Variants in GAR1 observed in about 807,000 individuals in gnomAD.
GAR1 encodes the protein H/ACA ribonucleoprotein complex subunit 1.
In GAR1, 11 loss-of-function variants were observed where a neutral mutation model predicts 29.3. The observed-to-expected ratio is 0.38, with a 90% CI of 0.24 to 0.62. The LOEUF is 0.62. Among genes scored for constraint, GAR1 ranks in the 20% least tolerant of loss-of-function variants. The pLI is 0.62. For missense variants in GAR1, 237 were observed against 268.4 expected, an observed-to-expected ratio of 0.88 and a Z score of 0.82; for synonymous variants, 87 against 93.3, an observed-to-expected ratio of 0.93 and a Z score of 0.39.
Position 109,820,900 on chromosome 4 carries a change from C to T in GAR1, c.430-1447C>T, listed in dbSNP as rs185302650. ...AGAAACAATGCTGAAAAGGGATTCT[C>T]ATCTTGTGACCTGAAAAAAAAATGC... On this transcript the variant is annotated intron_variant, in intron 4 of 6. Coordinates refer to ENST00000226796, the MANE Select transcript of GAR1 (RefSeq NM_018983.4). 2.4e-3 allele frequency among the ~76,000 whole-genome samples: 359 copies of T among 152,182 alleles called. 2 individuals are homozygous for T. Among genetic ancestry groups the T allele is most frequent in the African/African-American group, 8.1e-3 (338 of 41,512 alleles).
At chr4:109,818,521 G>A (rs28441161) in intron 3 of GAR1, among the ~76,000 whole-genome samples, 2 of 137,982 alleles carry the variant, frequency 1.4e-5, no homozygotes, top group South Asian at 2.3e-4. Flanking sequence ...CTCTTTCCCT[G>A]CCTTCTTCCC....
chr4:109,819,110 C>CCTAT (rs933856958), intron 4 of GAR1, 50 bp downstream of exon 4: 1 of 942,904 alleles, frequency 1.1e-6, no homozygotes, highest in African/African-American at 1.6e-5. Context: ...AAGGGAACGA[C>CCTAT]CTATCTTAGG....
At chr4:109,816,017 C>T (rs1460870623) in intron 1 of GAR1, 136 bp from the exon 2 acceptor site, 2 of 842,206 alleles carry the variant, frequency 2.4e-6, no homozygotes, top group Non-Finnish European at 3.9e-6. Flanking sequence ...TTGGTGGTCA[C>T]TGGCTGTCTG....
At chr4:109,819,234 T>C (rs1733442099) in intron 4 of GAR1, 174 bp downstream of exon 4, 1 of 639,090 alleles carries the variant, frequency 1.6e-6, no homozygotes, top group African/African-American at 1.9e-5. Flanking sequence ...AGTGATTTAT[T>C]TGATACAGCC....
chr4:109,818,481 CTTTCTCTCTCTCTT>C (rs992432426), intron 3 of GAR1, among the ~76,000 whole-genome samples: 1 of 151,382 alleles, frequency 6.6e-6, no homozygotes, highest in African/African-American at 2.4e-5. Context: ...CTTTCTCTCT[CTTTCTCTCTCTCTT>C]TCTTTCTCTC....
At chr4:109,819,390 A>G (rs570695355) in intron 4 of GAR1, 20 of 313,346 alleles carry the variant, frequency 6.4e-5, no homozygotes, top group Middle Eastern at 2.0e-3. Context: ...TGTAAAACTT[A>G]CGTTATTTGA....
At chr4:109,819,154 A>G (rs774935472) in intron 4 of GAR1, 94 bp downstream of exon 4, 16 of 773,710 alleles carry the variant, frequency 2.1e-5, no homozygotes, top group African/African-American at 1.7e-4. Context: ...GACTTTCCCA[A>G]CATATCACTA....
At chr4:109,823,311 G>GT (rs1361536651) in intron 5 of GAR1, among the ~76,000 whole-genome samples, 1 of 152,112 alleles carries the variant, frequency 6.6e-6, no homozygotes, top group Non-Finnish European at 1.5e-5. Flanking sequence ...CACTTTTGGC[G>GT]TTTCTCAATT....
chr4:109,819,082 T>G (rs1351488554), intron 4 of GAR1, 22 bp downstream of exon 4: 1 of 1,311,730 alleles, frequency 7.6e-7, no homozygotes, highest in African/African-American at 1.4e-5. Flanking sequence ...TTATGATACT[T>G]GGGATCCTTG....
At chr4:109,821,022 T>C (rs1029036892) in intron 4 of GAR1, among the ~76,000 whole-genome samples, 1 of 152,228 alleles carries the variant, frequency 6.6e-6, no homozygotes, top group African/African-American at 2.4e-5. Flanking sequence ...TTTGGGTTTT[T>C]GCTTTTTAAT....
chr4:109,824,332 G>A, intron 6 of GAR1, 86 bp from the exon 7 acceptor site: 1 of 900,914 alleles, frequency 1.1e-6, no homozygotes, highest in Non-Finnish European at 1.9e-6. Flanking sequence ...TGGAACTAAT[G>A]CTGATTTTAA....
chr4:109,820,133 G>A (rs1202332312), intron 4 of GAR1, among the ~76,000 whole-genome samples: 1 of 152,176 alleles, frequency 6.6e-6, no homozygotes, highest in East Asian at 1.9e-4. Context: ...TGGTATTTTG[G>A]ACTCGGTAGT....
At position 109,819,430 on chromosome 4, in the gene GAR1, G is replaced by C. The variant is rs1391129118; in HGVS notation, c.429+370G>C. ...CGGTAGGTACTAAGTGATTTCACAA[G>C]AACTTCAATAACATGATATATGCTA... On this transcript the variant is annotated intron_variant, in intron 4 of 6. Transcript: ENST00000226796. The C allele has an allele frequency of 2.2e-5, 5 of 231,694 alleles. No individual in the cohort carries two copies. The East Asian group carries it at 7.4e-4, about 34-fold the overall frequency. The allele number at this position is 231,694 out of a possible 1,614,324, so 14.4% of individuals were successfully genotyped here.
At chr4:109,818,976 A>C in intron 3 of GAR1, 25 bp from the exon 4 acceptor site, 1 of 977,084 alleles carries the variant, frequency 1.0e-6, no homozygotes, top group Non-Finnish European at 1.6e-6. Context: ...TTAATTGCTC[A>C]TTTGTTCCTT....
chr4:109,815,991 C>T, intron 1 of GAR1, 162 bp from the exon 2 acceptor site: 1 of 721,578 alleles, frequency 1.4e-6, no homozygotes, highest in Non-Finnish European at 2.4e-6. Flanking sequence ...GAGAAGTAAA[C>T]TCTTCACCCA....
intron 5 of GAR1, 51 bp from the exon 6 acceptor site, chr4:109,823,914 T>G (rs774475280): frequency 1.7e-6 from 2 of 1,170,782 alleles, no homozygotes; most frequent in Admixed American, 1.7e-5. Context: ...GATTATTATA[T>G]TCTATTGTTA....
Position 109,816,137 on chromosome 4 carries a change from G to GT in GAR1, c.-12-7dup, listed in dbSNP as rs148758932. 7.4e-3 allele frequency: 11,601 copies of GT among 1,558,906 alleles called. 303 individuals are homozygous for GT. The African/African-American group carries it at 0.092, about 12-fold the overall frequency. ...CTACAGTGATCAGAAGACATAGGTC[G>GT]TTTTTTTTTCATCAGGGAGGAGAGA... On this transcript the variant is annotated splice_polypyrimidine_tract_variant and intron_variant, in intron 1 of 6. Coordinates refer to ENST00000226796, the MANE Select transcript of GAR1 (RefSeq NM_018983.4).
chr4:109,817,809 GTCT>G, intron 2 of GAR1, 124 bp from the exon 3 acceptor site: 1 of 679,698 alleles, frequency 1.5e-6, no homozygotes, highest in East Asian at 2.7e-5. Flanking sequence ...TAAGACTGTG[GTCT>G]TCTGCCTCAG....
At position 109,824,313 on chromosome 4, in the gene GAR1, A is replaced by G. The variant is rs1425008441; in HGVS notation, c.641-105A>G. ...TTAAATTTGGTAAAGTATGTTTGCT[A>G]AACATTATTGGAACTAATGCTGATT... is the stretch of plus-strand genomic sequence containing the variant. On this transcript the variant is annotated intron_variant, in intron 6 of 6. Transcript: ENST00000226796. The G allele has an allele frequency of 6.4e-6, 5 of 775,716 alleles. No homozygotes were observed. In the South Asian group the frequency reaches 8.3e-5, roughly 13 times the overall value. 48.1% of individuals were successfully genotyped at this position (775,716 alleles called of 1,614,324 possible). A position where few individuals can be genotyped will look rare whatever the true frequency, so the allele number is the denominator to read the frequency against.
Sources: allele counts gnomAD v4.1 joint callset (sites outside exome capture counted in the v4.1 genomes callset), GRCh38; gene constraint gnomAD v4.1.1; transcripts MANE v1.5; gene names NCBI Gene and HGNC (gene_info 2026-07-23, HGNC 2026-07-21).